Variants in NDUFB9 observed in about 807,000 individuals in gnomAD.
NDUFB9 encodes NADH dehydrogenase [ubiquinone] 1 beta subcomplex subunit 9.
NDUFB9 carries 24 observed loss-of-function variants against 30.2 expected under a neutral mutation model. That is an observed-to-expected ratio of 0.80 (90% CI 0.58 to 1.12). The LOEUF is 1.12. NDUFB9 is among the 50% of genes most tolerant of loss of function. NDUFB9 has a pLI of 0.00. For missense variants in NDUFB9, 204 were observed against 226.0 expected (o/e 0.90, Z 0.62); for synonymous variants, 80 against 84.0 (o/e 0.95, Z 0.26).
chr8:124,547,598 T>G (rs1396890975), intron 3 of NDUFB9, among the ~76,000 whole-genome samples: 1 of 152,240 alleles, frequency 6.6e-6, no homozygotes, highest in Non-Finnish European at 1.5e-5. Flanking sequence ...GAAGTGGATA[T>G]GGAAGGAAAT....
intron 1 of NDUFB9, among the ~76,000 whole-genome samples, chr8:124,541,936 T>G (rs989483812): frequency 1.4e-5 from 2 of 142,574 alleles, no homozygotes; most frequent in African/African-American, 5.3e-5. Context: ...TTTTTTGAGA[T>G]GAAGTCTCGC....
chr8:124,547,168 T>C, intron 3 of NDUFB9, 55 bp downstream of exon 3: 1 of 1,367,062 alleles, frequency 7.3e-7, no homozygotes, highest in Non-Finnish European at 1.0e-6. Context: ...AGTGAAGTTT[T>C]GCTCCCCACA....
rs76452429 is a variant in NDUFB9, at chr8:124,542,564, C to A, written c.102-523C>A. On this transcript the variant is annotated intron_variant, in intron 1 of 3. Coordinates refer to ENST00000276689, the MANE Select transcript of NDUFB9 (RefSeq NM_005005.3). The stretch of plus-strand genomic sequence containing the variant: ...CTCCTAACTGATCTTTGCCCAGTTT[C>A]TTTAGAACTTGACTTTAACTTGCCT... 2.6e-5 allele frequency among the ~76,000 whole-genome samples: 4 copies of A among 152,320 alleles called. No individual in the cohort carries two copies. The East Asian group carries it at 7.7e-4, about 29-fold the overall frequency.
intron 1 of NDUFB9, among the ~76,000 whole-genome samples, chr8:124,540,030 G>C (rs1821874120): frequency 6.6e-6 from 1 of 152,140 alleles, no homozygotes; most frequent in Non-Finnish European, 1.5e-5. Flanking sequence ...AGATGTGTGA[G>C]TGCCTCGCCT....
chr8:124,549,700 GAC>G, intron 3 of NDUFB9, 59 bp from the exon 4 acceptor site: 1 of 1,537,928 alleles, frequency 6.5e-7, no homozygotes. Context: ...CACTGCAGCA[GAC>G]AGATTTTTAT....
At position 124,539,261 on chromosome 8, in the gene NDUFB9, C is replaced by T. The variant is rs764569699; in HGVS notation, c.75C>T (p.Arg25=). 1.2e-6 allele frequency: 2 copies of T among 1,614,206 alleles called. No individual in the cohort carries two copies. The highest frequency in any genetic ancestry group is 1.7e-6 in the Non-Finnish European group (2 of 1,180,032). ...TGCGGCTTTATAAGCGGGCGCTACG[C>T]CACCTCGAGTCGTGGTGCGTCCAGA... ...KVLRLYKRAL[R]HLESWCVQRD... Residue 25 remains arginine (R), a synonymous_variant, in exon 1 of 4, where the codon CGC becomes CGT. Coordinates refer to ENST00000276689, the MANE Select transcript of NDUFB9 (RefSeq NM_005005.3).
rs72714707 is a variant in NDUFB9, at chr8:124,549,457, T to G, written c.409-304T>G. On this transcript the variant is annotated intron_variant, in intron 3 of 3. Transcript: ENST00000276689. Reference sequence around the variant, plus strand: ...GGAGAATTGGAATGATAGTTGTCATTTTTCTGTCTGCAGAATAAGAGGAGG... The same window carrying G: ...GGAGAATTGGAATGATAGTTGTCATGTTTCTGTCTGCAGAATAAGAGGAGG... Among the ~76,000 whole-genome samples, 13,233 of 152,124 alleles carry G rather than the reference T, an allele frequency of 0.087. 881 individuals carry two copies. Among genetic ancestry groups the G allele is most frequent in the South Asian group, 0.29 (1,406 of 4,808 alleles).
intron 1 of NDUFB9, among the ~76,000 whole-genome samples, chr8:124,541,873 A>T (rs1822005342): frequency 6.6e-6 from 1 of 150,750 alleles, no homozygotes; most frequent in Non-Finnish European, 1.5e-5. Flanking sequence ...AAGTGCTGGG[A>T]TTACAGGCGT....
At chr8:124,547,298 A>G in intron 3 of NDUFB9, 185 bp downstream of exon 3, 1 of 678,434 alleles carries the variant, frequency 1.5e-6, no homozygotes. Context: ...GTTAAAGTGC[A>G]TTCCCTGGTC....
intron 2 of NDUFB9, chr8:124,546,796 C>A (rs1165821405): frequency 6.6e-6 from 4 of 604,986 alleles, no homozygotes; most frequent in Non-Finnish European, 1.2e-5. Context: ...TTTTTCAGCA[C>A]AGTCTTTGAC....
At chr8:124,545,799 G>T (rs547362680) in intron 2 of NDUFB9, among the ~76,000 whole-genome samples, 1 of 152,154 alleles carries the variant, frequency 6.6e-6, no homozygotes, top group South Asian at 2.1e-4. Flanking sequence ...AAAGGGCTGG[G>T]ACTAAAGGCA....
chr8:124,542,911 G>T, intron 1 of NDUFB9, 176 bp from the exon 2 acceptor site: 12 of 623,484 alleles, frequency 1.9e-5, no homozygotes, highest in African/African-American at 9.5e-5. Flanking sequence ...TTTTGCTGCT[G>T]CTGTTTGGTG....
intron 1 of NDUFB9, among the ~76,000 whole-genome samples, chr8:124,542,126 G>A (rs143689232): frequency 2.0e-3 from 302 of 151,330 alleles, no homozygotes; most frequent in Middle Eastern, 6.9e-3. Context: ...ATGTTGGCCA[G>A]GCTGGTGTAG....
At chr8:124,546,631 T>C in intron 2 of NDUFB9, 1 of 294,342 alleles carries the variant, frequency 3.4e-6, no homozygotes, top group Non-Finnish European at 6.5e-6. Flanking sequence ...CAAAGTTCAT[T>C]TTGGACTTTA....
At chr8:124,548,887 A>G (rs1302410065) in intron 3 of NDUFB9, among the ~76,000 whole-genome samples, 1 of 152,192 alleles carries the variant, frequency 6.6e-6, no homozygotes, top group Non-Finnish European at 1.5e-5. Flanking sequence ...ATTTGAATTC[A>G]TGATTTGGAA....
chr8:124,544,656 A>G (rs1024513722), intron 2 of NDUFB9, among the ~76,000 whole-genome samples: 10 of 152,214 alleles, frequency 6.6e-5, no homozygotes, highest in Non-Finnish European at 1.3e-4. Flanking sequence ...CAAAGCCTGA[A>G]TTACAGCAAA....
At chr8:124,539,428 G>A (rs1821824428) in intron 1 of NDUFB9, 141 bp downstream of exon 1, 2 of 759,066 alleles carry the variant, frequency 2.6e-6, no homozygotes, top group Admixed American at 2.2e-5. Flanking sequence ...TCCTATGGTA[G>A]ACCCGGGTTC....
chr8:124,542,855 T>G, intron 1 of NDUFB9: 1 of 404,710 alleles, frequency 2.5e-6, no homozygotes, highest in Non-Finnish European at 4.4e-6. Context: ...CATTGTTGGA[T>G]GTAAGAGGAG....
intron 3 of NDUFB9, 172 bp downstream of exon 3, chr8:124,547,285 T>C: frequency 1.4e-6 from 1 of 694,680 alleles, no homozygotes. Context: ...ACCTTACAAG[T>C]AAGTTAAAGT....
Sources: allele counts gnomAD v4.1 joint callset (sites outside exome capture counted in the v4.1 genomes callset), GRCh38; gene constraint gnomAD v4.1.1; transcripts MANE v1.5; gene names NCBI Gene and HGNC (gene_info 2026-07-23, HGNC 2026-07-21).